The following ST3GAL5 variants were observed in gnomAD, a reference collection of about 807,000 sequenced individuals.
The protein encoded by ST3GAL5 is lactosylceramide alpha-2,3-sialyltransferase.
ST3GAL5 carries 25 observed loss-of-function variants against 46.1 expected under a neutral mutation model. That is an observed-to-expected ratio of 0.54 (90% CI 0.40 to 0.76). The LOEUF is 0.76. Among genes scored for constraint, ST3GAL5 ranks in the 30% least tolerant of loss-of-function variants. The probability of loss-of-function intolerance (pLI) is 0.00; values close to 1 mark genes in which losing one functional copy is unlikely to be tolerated. For missense variants in ST3GAL5, 431 were observed against 521.2 expected (o/e 0.83, Z 1.69); for synonymous variants, 182 against 192.7 (o/e 0.94, Z 0.46).
chr2:85,873,782 C>T (rs551214276), intron 1 of ST3GAL5, among the ~76,000 whole-genome samples: 106 of 151,966 alleles, frequency 7.0e-4, no homozygotes, highest in African/African-American at 2.4e-3. Flanking sequence ...CAGGAGAAAA[C>T]AAAAAAACAA....
chr2:85,847,971 A>T lies in ST3GAL5; in HGVS notation c.552T>A (p.Pro184=). ...GACAGGTCTTGGCTTTCAAGTGTTC[A>T]GGGAGGTCGTGCTCTGGCAAGAGTT... ...LLELLPEHDL[P]EHLKAKTCRR... is the part of the protein sequence containing the mutation. Residue 184 remains proline (P), a synonymous_variant, in exon 4 of 7, where the codon CCT becomes CCA. Coordinates refer to ENST00000638572, the MANE Select transcript of ST3GAL5 (RefSeq NM_003896.4). 1 of 1,614,154 alleles carries T rather than the reference A, an allele frequency of 6.2e-7. No homozygotes were observed. Among genetic ancestry groups the T allele is most frequent in the Non-Finnish European group, 8.5e-7 (1 of 1,180,016 alleles).
chr2:85,852,939 C>T (rs1683691664), intron 3 of ST3GAL5: 1 of 1,301,862 alleles, frequency 7.7e-7, no homozygotes, highest in African/African-American at 1.6e-5. Flanking sequence ...GATGCTGGTG[C>T]CTGGGCTCAC....
chr2:85,885,741 C>T (rs1426935640), intron 1 of ST3GAL5, among the ~76,000 whole-genome samples: 2 of 151,430 alleles, frequency 1.3e-5, no homozygotes, highest in Middle Eastern at 3.4e-3. Context: ...GGCAGAATGG[C>T]GTGAACCCCG....
intron 3 of ST3GAL5, among the ~76,000 whole-genome samples, chr2:85,857,867 AG>A (rs1684313107): frequency 6.6e-6 from 1 of 152,194 alleles, no homozygotes; most frequent in African/African-American, 2.4e-5. Context: ...CCAGGGAAAC[AG>A]GAAGAGCAGG....
Position 85,848,140 on chromosome 2 carries a change from G to A in ST3GAL5, c.383C>T (p.Ser128Leu), listed in dbSNP as rs1290045744. The A allele has an allele frequency of 6.2e-7, 1 of 1,614,202 alleles. No individual in the cohort carries two copies. The highest frequency in any genetic ancestry group is 8.5e-7 in the Non-Finnish European group (1 of 1,180,028). ...KECRPKFAKT[S>L]MALLFEHRYS... ...CCTGTGCTCAAATAACAGCGCCATT[G>A]ATGTCTTGGCAAACTTGGGACGACA... Residue 128 changes from serine (S) to leucine (L), a missense_variant, in exon 4 of 7, where the codon TCA becomes TTA. Transcript: ENST00000638572.
intron 1 of ST3GAL5, among the ~76,000 whole-genome samples, chr2:85,886,172 T>C (rs759879613): frequency 3.9e-5 from 6 of 152,236 alleles, no homozygotes; most frequent in Non-Finnish European, 8.8e-5. Context: ...CTCACGCCTG[T>C]AATCTCAGCG....
intron 4 of ST3GAL5, among the ~76,000 whole-genome samples, chr2:85,847,165 C>G (rs771324751): frequency 2.0e-5 from 3 of 152,126 alleles, no homozygotes; most frequent in Non-Finnish European, 4.4e-5. Context: ...CATGGTGAGT[C>G]TGAACTTCTC....
chr2:85,858,269 C>T (rs1684366289), intron 3 of ST3GAL5: 1 of 152,198 alleles, frequency 6.6e-6, no homozygotes, highest in Non-Finnish European at 1.5e-5. Flanking sequence ...CAGAAAGGCC[C>T]CTGAGCCCCT....
At chr2:85,847,721 G>T in intron 4 of ST3GAL5, 140 bp downstream of exon 4, 1 of 1,354,890 alleles carries the variant, frequency 7.4e-7, no homozygotes, top group South Asian at 1.5e-5. Context: ...CCTGAGCCTG[G>T]GAAGTTGAGG....
At chr2:85,841,843 G>T (rs1164704294) in intron 6 of ST3GAL5, among the ~76,000 whole-genome samples, 2 of 152,050 alleles carry the variant, frequency 1.3e-5, no homozygotes, top group Non-Finnish European at 2.9e-5. Flanking sequence ...GCCAGCCTTG[G>T]GTAAAAACAG....
chr2:85,865,724 G>C (rs550815425), intron 1 of ST3GAL5: 1 of 152,370 alleles, frequency 6.6e-6, no homozygotes, highest in South Asian at 2.1e-4. Context: ...AGATGACTGT[G>C]GTAAGAGTAT....
chr2:85,874,587 T>C (rs993498694), intron 1 of ST3GAL5, among the ~76,000 whole-genome samples: 3 of 152,040 alleles, frequency 2.0e-5, no homozygotes, highest in Non-Finnish European at 4.4e-5. Context: ...CCCCCTCACT[T>C]TCCTGCTTTA....
chr2:85,870,966 T>C (rs1269110214), intron 1 of ST3GAL5, among the ~76,000 whole-genome samples: 1 of 152,146 alleles, frequency 6.6e-6, no homozygotes, highest in African/African-American at 2.4e-5. Context: ...ACATGTGATA[T>C]TTGGATACAT....
At chr2:85,856,164 A>G (rs1358646003) in intron 3 of ST3GAL5, 1 of 152,242 alleles carries the variant, frequency 6.6e-6, no homozygotes, top group Admixed American at 6.5e-5. Context: ...ATTATTCATA[A>G]TAGCCAAAAG....
At chr2:85,861,145 T>C in intron 3 of ST3GAL5, 36 bp downstream of exon 3, 1 of 1,317,766 alleles carries the variant, frequency 7.6e-7, no homozygotes, top group Non-Finnish European at 1.1e-6. Context: ...TGCTTGGCAA[T>C]GTTTTCATTT....
intron 1 of ST3GAL5, among the ~76,000 whole-genome samples, chr2:85,871,038 C>CT (rs35268429): frequency 0.18 from 24,363 of 137,792 alleles, 2,492 homozygotes; most frequent in South Asian, 0.34. Flanking sequence ...AACCATTTAT[C>CT]TTTTTTTTTT....
intron 1 of ST3GAL5, chr2:85,870,115 T>C (rs1029666763): frequency 1.4e-5 from 6 of 440,430 alleles, no homozygotes; most frequent in African/African-American, 1.2e-4. Context: ...GCTTTCTTTT[T>C]TCTTTATAAC....
At chr2:85,849,285 G>C (rs1426436585) in intron 3 of ST3GAL5, 2 of 152,284 alleles carry the variant, frequency 1.3e-5, no homozygotes, top group Non-Finnish European at 2.9e-5. Context: ...GGGAGGCTGA[G>C]GCATGAGTAT....
At chr2:85,888,035 TA>T (rs1687950120) in intron 1 of ST3GAL5, 2 of 152,262 alleles carry the variant, frequency 1.3e-5, no homozygotes, top group Admixed American at 1.3e-4. Flanking sequence ...TCTACCCTCG[TA>T]AACGTATTTT....
Sources: allele counts gnomAD v4.1 joint callset (sites outside exome capture counted in the v4.1 genomes callset), GRCh38; gene constraint gnomAD v4.1.1; transcripts MANE v1.5; gene names NCBI Gene and HGNC (gene_info 2026-07-23, HGNC 2026-07-21).